IBA57: variants seen among roughly 807,000 people sequenced by gnomAD.
The protein encoded by IBA57 is iron-sulfur cluster assembly factor IBA57, also known as iron-sulfur cluster assembly factor IBA57, mitochondrial.
Under a neutral mutation model 20.4 loss-of-function variants are expected in IBA57, and 20 were observed. That is an observed-to-expected ratio of 0.98 (90% CI 0.69 to 1.42). IBA57 has a LOEUF of 1.42. IBA57 is among the 40% of genes most tolerant of loss of function. The pLI, the probability that IBA57 is intolerant of heterozygous loss-of-function variation, is 0.00. For synonymous variants in IBA57, 310 were observed against 233.9 expected (o/e 1.33, Z -2.97); for missense variants, 608 against 499.3 (o/e 1.22, Z -2.07).
chr1:228,175,956 G>A lies in IBA57; in HGVS notation c.*443G>A, dbSNP rs1488896603. On this transcript the variant is annotated 3_prime_UTR_variant, in exon 3 of 3. Transcript: ENST00000366711. ...CTGCAGGCTGGGGCTCGGGCTTTGG[G>A]AGTTGTTTCACTGTGCTTGCTTCCA... The A allele has an allele frequency of 1.2e-5, 2 of 166,190 alleles. No homozygotes were observed. The highest frequency in any genetic ancestry group is 2.6e-5 in the Non-Finnish European group (2 of 77,628). 10.3% of individuals were successfully genotyped at this position (166,190 alleles called of 1,614,324 possible).
At position 228,166,080 on chromosome 1, in the gene IBA57, C is replaced by A. The variant is rs13375853; in HGVS notation, c.264C>A (p.Ala88=). The change falls in exon 1 of 3, where the codon GCC becomes GCA. Residue 88 remains alanine (A), a synonymous_variant. Transcript: ENST00000366711. ...LPLPSPAAAG[A]PPAARAGYAH... ...TTCCGAGTCCTGCGGCCGCGGGGGCCCCGCCTGCTGCGCGCGCGGGCTACG... is the reference window on the plus strand; with the variant it reads ...TTCCGAGTCCTGCGGCCGCGGGGGCACCGCCTGCTGCGCGCGCGGGCTACG... 3 of 1,537,382 alleles carry A rather than the reference C, an allele frequency of 2.0e-6. No individual in the cohort carries two copies. The highest frequency in any genetic ancestry group is 5.0e-5 in the East Asian group (2 of 40,104).
rs1196517601 is a variant in IBA57, at chr1:228,181,304, G to T, written c.*5791G>T. On this transcript the variant is annotated 3_prime_UTR_variant, in exon 3 of 3. Coordinates refer to ENST00000366711, the MANE Select transcript of IBA57 (RefSeq NM_001010867.4). ...TTCCTTGTAAATGAGTCAGCCTCAG[G>T]TATTCTCTTGTAGCAGCACAAATGG... The T allele has an allele frequency of 1.3e-5, 2 of 152,232 alleles. No homozygotes were observed. The highest frequency in any genetic ancestry group is 4.1e-4 in the South Asian group (2 of 4,824). 9.4% of individuals were successfully genotyped at this position (152,232 alleles called of 1,614,324 possible). A position where few individuals can be genotyped will look rare whatever the true frequency, so the allele number is the denominator to read the frequency against.
At position 228,175,167 on chromosome 1, in the gene IBA57, C is replaced by T. The variant is rs370104027; in HGVS notation, c.725C>T (p.Pro242Leu). The change falls in exon 3 of 3, where the codon CCC becomes CTC. Residue 242 changes from proline to leucine, a missense_variant. Transcript: ENST00000366711. Reference protein sequence around the residue: ...VRDLPPGVALPLESNLAFMNG... With the variant: ...VRDLPPGVALLLESNLAFMNG... ...GACTTGCCTCCTGGGGTGGCCCTGCCCCTGGAGTCCAACCTGGCCTTCATG... is the reference window on the plus strand; with the variant it reads ...GACTTGCCTCCTGGGGTGGCCCTGCTCCTGGAGTCCAACCTGGCCTTCATG... 5 of 1,612,814 alleles carry T rather than the reference C, an allele frequency of 3.1e-6. No individual in the cohort carries two copies. Among genetic ancestry groups the T allele is most frequent in the Non-Finnish European group, 4.2e-6 (5 of 1,179,916 alleles).
chr1:228,181,965 G>A lies in IBA57; in HGVS notation c.*6452G>A, dbSNP rs1408514258. 2 of 152,366 alleles carry A rather than the reference G, an allele frequency of 1.3e-5. No homozygotes were observed. The highest frequency in any genetic ancestry group is 4.8e-5 in the African/African-American group (2 of 41,596). The allele number at this position is 152,366 out of a possible 1,614,324, so 9.4% of individuals were successfully genotyped here. A position where few individuals can be genotyped will look rare whatever the true frequency, so the allele number is the denominator to read the frequency against. On this transcript the variant is annotated 3_prime_UTR_variant, in exon 3 of 3. Coordinates refer to ENST00000366711, the MANE Select transcript of IBA57 (RefSeq NM_001010867.4). ...TAGGACTGTGACTGTCTGGGCTGTG[G>A]GCATCTGACCATCTCCAGTGTCCCC...
chr1:228,174,647 A>T, intron 1 of IBA57, 45 bp from the exon 2 acceptor site: 1 of 1,464,538 alleles, frequency 6.8e-7, no homozygotes, highest in East Asian at 2.4e-5. Flanking sequence ...TTTCTGGCCC[A>T]CTCAGTTGGT....
At position 228,165,966 on chromosome 1, in the gene IBA57, C is replaced by T. The variant is rs765132163; in HGVS notation, c.150C>T (p.Cys50=). 1.4e-4 allele frequency: 211 copies of T among 1,515,878 alleles called. No homozygotes were observed. The highest frequency in any genetic ancestry group is 1.7e-4 in the Non-Finnish European group (195 of 1,139,836). The allele number at this position is 1,515,878 out of a possible 1,614,324, so 93.9% of individuals were successfully genotyped here. The change falls in exon 1 of 3, where the codon TGC becomes TGT. Residue 50 remains cysteine (C), a synonymous_variant. Transcript: ENST00000366711. ...GDPTAGAAWA[C]FRLDGRTLLR... is the part of the protein sequence containing the mutation. ...CAACGGCCGGAGCGGCCTGGGCCTG[C>T]TTCCGGCTGGACGGGCGCACCCTGC...
Position 228,170,998 on chromosome 1 carries a change from C to T in IBA57, c.342-3694C>T, listed in dbSNP as rs777365296. Among the ~76,000 whole-genome samples the T allele has an allele frequency of 2.6e-5, 4 of 152,252 alleles. No individual in the cohort carries two copies. The highest frequency in any genetic ancestry group is 2.1e-4 in the South Asian group (1 of 4,820). ...CCTCTTCCTGCACCCTTGCTCCCAC[C>T]GGGGCTTCTGGGCTCAGCAAACAAA... On this transcript the variant is annotated intron_variant, in intron 1 of 2. Coordinates refer to ENST00000366711, the MANE Select transcript of IBA57 (RefSeq NM_001010867.4). The surrounding 1 kb of genome is among the most constrained non-coding windows in gnomAD (Gnocchi z 4.8).
Position 228,165,993 on chromosome 1 carries a change from G to A in IBA57, c.177G>A (p.Leu59=), listed in dbSNP as rs1403509376. The A allele has an allele frequency of 1.3e-6, 2 of 1,527,068 alleles. No homozygotes were observed. The allele number at this position is 1,527,068 out of a possible 1,614,324, so 94.6% of individuals were successfully genotyped here. A position where few individuals can be genotyped will look rare whatever the true frequency, so the allele number is the denominator to read the frequency against. ...TCCGGCTGGACGGGCGCACCCTGCT[G>A]CGCGTGCGTGGCCCCGACGCGGCGC... ...ACFRLDGRTL[L]RVRGPDAAPF... Residue 59 remains leucine (L), a synonymous_variant, in exon 1 of 3, where the codon CTG becomes CTA. Transcript: ENST00000366711.
At chr1:228,173,581 GC>G (rs1306075942) in intron 1 of IBA57, 1 of 152,838 alleles carries the variant, frequency 6.5e-6, no homozygotes. Context: ...CAGGTGGTGG[GC>G]ATGGGCAGAG....
intron 1 of IBA57, 199 bp from the exon 2 acceptor site, chr1:228,174,493 C>T (rs1357238585): frequency 9.5e-6 from 4 of 421,564 alleles, no homozygotes; most frequent in Admixed American, 4.6e-5. Flanking sequence ...GTGGGCGTGG[C>T]TCGCTGTGGG....
chr1:228,167,967 A>G (rs1169041913), intron 1 of IBA57, among the ~76,000 whole-genome samples: 2 of 152,076 alleles, frequency 1.3e-5, no homozygotes, highest in African/African-American at 4.8e-5. Flanking sequence ...TCCCTTCCAT[A>G]TTTCTATAGT....
At position 228,174,823 on chromosome 1, in the gene IBA57, G is replaced by A. The variant is rs758377789; in HGVS notation, c.473G>A (p.Arg158Gln). The change falls in exon 2 of 3, where the codon CGA (arginine) becomes CAA (glutamine). Residue 158 changes from arginine (R) to glutamine (Q), a missense_variant. Physicochemically the swap from Arg to Gln is conservative, Grantham distance 43 (BLOSUM62 1). Coordinates refer to ENST00000366711, the MANE Select transcript of IBA57 (RefSeq NM_001010867.4). ...ACGGTGGAGCCGCACCCGGAGCTGCGAGTGTGGGCGGTGTTGCCCAGTTCC... is the reference window on the plus strand; with the variant it reads ...ACGGTGGAGCCGCACCCGGAGCTGCAAGTGTGGGCGGTGTTGCCCAGTTCC... Reference protein sequence around the residue: ...KVTVEPHPELRVWAVLPSSPE... With the variant: ...KVTVEPHPELQVWAVLPSSPE... 2 of 1,610,332 alleles carry A rather than the reference G, an allele frequency of 1.2e-6. No individual in the cohort carries two copies. Among genetic ancestry groups the A allele is most frequent in the East Asian group, 2.2e-5 (1 of 44,812 alleles).
chr1:228,166,776 C>G (rs1340154974), intron 1 of IBA57, among the ~76,000 whole-genome samples: 4 of 152,202 alleles, frequency 2.6e-5, no homozygotes, highest in Non-Finnish European at 4.4e-5. Context: ...TTGGGTTTCC[C>G]TTGCCCAGCT....
chr1:228,166,120 G>A lies in IBA57; in HGVS notation c.304G>A (p.Val102Met), dbSNP rs753218907. 18 of 1,536,296 alleles carry A rather than the reference G, an allele frequency of 1.2e-5. No individual in the cohort carries two copies. Among genetic ancestry groups the A allele is most frequent in the East Asian group, 2.5e-5 (1 of 40,022 alleles). Residue 102 changes from valine to methionine, a missense_variant, in exon 1 of 3, where the codon GTG becomes ATG. Val to Met is a conservative substitution (Grantham distance 21). Transcript: ENST00000366711. ...ARAGYAHFLN[V>M]QGRTLYDVIL... ...CGCGGGCTACGCCCACTTCCTGAAC[G>A]TGCAGGGCCGGACGCTCTATGACGT...
chr1:228,172,678 G>A (rs1223556130), intron 1 of IBA57: 2 of 152,250 alleles, frequency 1.3e-5, no homozygotes, highest in Non-Finnish European at 2.9e-5. Flanking sequence ...GCCAGGTCGT[G>A]GAGTAGTTGC....
rs1418626494 is a variant in IBA57 at position 228,181,277 on chromosome 1, T to A, written c.*5764T>A. 6.6e-6 allele frequency: 1 copy of A among 152,236 alleles called. No individual in the cohort carries two copies. The highest frequency in any genetic ancestry group is 2.4e-5 in the African/African-American group (1 of 41,456). The allele number at this position is 152,236 out of a possible 1,614,324, so 9.4% of individuals were successfully genotyped here. A position where few individuals can be genotyped will look rare whatever the true frequency, so the allele number is the denominator to read the frequency against. ...CCAGAACCGTGAGCCAATAAACCTC[T>A]GTTCCTTGTAAATGAGTCAGCCTCA... On this transcript the variant is annotated 3_prime_UTR_variant, in exon 3 of 3. Transcript: ENST00000366711.
Position 228,166,009 on chromosome 1 carries a change from G to T in IBA57, c.193G>T (p.Asp65Tyr). 1 of 1,531,132 alleles carries T rather than the reference G, an allele frequency of 6.5e-7. No homozygotes were observed. The highest frequency in any genetic ancestry group is 2.5e-5 in the East Asian group (1 of 39,934). 94.8% of individuals were successfully genotyped at this position (1,531,132 alleles called of 1,614,324 possible). Residue 65 changes from aspartate (D) to tyrosine (Y), a missense_variant, in exon 1 of 3, where the codon GAC (aspartate) becomes TAC (tyrosine). By Grantham distance (160) the Asp-to-Tyr change is radical. Coordinates refer to ENST00000366711, the MANE Select transcript of IBA57 (RefSeq NM_001010867.4). The stretch of plus-strand genomic sequence containing the variant: ...CACCCTGCTGCGCGTGCGTGGCCCC[G>T]ACGCGGCGCCCTTCCTGCTAGGGCT... ...GRTLLRVRGP[D>Y]AAPFLLGLLT...
At position 228,179,025 on chromosome 1, in the gene IBA57, A is replaced by G. The variant is rs562142595; in HGVS notation, c.*3512A>G. 2 of 152,048 alleles carry G rather than the reference A, an allele frequency of 1.3e-5. No homozygotes were observed. Among genetic ancestry groups the G allele is most frequent in the African/African-American group, 2.4e-5 (1 of 41,478 alleles). The allele number at this position is 152,048 out of a possible 1,614,324, so 9.4% of individuals were successfully genotyped here. ...CTGCATTGCGGAGGCGCGCACACCC[A>G]GCTGGGCCCTTATCTGTAAGGACTG... On this transcript the variant is annotated 3_prime_UTR_variant, in exon 3 of 3. Transcript: ENST00000366711.
chr1:228,166,492 T>C (rs2034855263), intron 1 of IBA57, among the ~76,000 whole-genome samples: 2 of 152,082 alleles, frequency 1.3e-5, no homozygotes, highest in Admixed American at 1.3e-4. Flanking sequence ...GCCCACCATA[T>C]CAGAGCAGAG....
Sources: allele counts gnomAD v4.1 joint callset (sites outside exome capture counted in the v4.1 genomes callset), GRCh38; gene constraint gnomAD v4.1.1; non-coding constraint Gnocchi (gnomAD v3.1); transcripts MANE v1.5; gene names NCBI Gene and HGNC (gene_info 2026-07-23, HGNC 2026-07-21).